DAB2IP: variants seen among roughly 807,000 people sequenced by gnomAD.
DAB2IP encodes disabled homolog 2-interacting protein.
A neutral mutation model predicts 107.2 loss-of-function variants in DAB2IP; 28 were observed. That is an observed-to-expected ratio of 0.26 (90% CI 0.19 to 0.36). DAB2IP has a LOEUF of 0.36. Among genes scored for constraint, DAB2IP ranks in the 10% least tolerant of loss-of-function variants. The pLI is 1.00. For synonymous variants in DAB2IP, 755 were observed against 706.4 expected (o/e 1.07, Z -1.09); for missense variants, 1,400 against 1,644.7 (o/e 0.85, Z 2.57).
rs1196005635 is a variant in DAB2IP at position 121,599,585 on chromosome 9, C to A, written c.40+32357C>A. ...GCGCGGAGCCGGCCGTAGCGCGCTC[C>A]TGCCTGGCCAGCCGCCTACTCCGCC... On this transcript the variant is annotated intron_variant, in intron 1 of 16. Coordinates refer to the DAB2IP transcript ENST00000259371. This position sits in a 1 kb window ranked among gnomAD's most constrained non-coding sequence, Gnocchi z 6.9. Among the ~76,000 whole-genome samples the A allele has an allele frequency of 6.6e-6, 1 of 152,002 alleles. No homozygotes were observed. The highest frequency in any genetic ancestry group is 6.5e-5 in the Admixed American group (1 of 15,268).
At chr9:121,607,972 A>G (rs1390265704) in intron 1 of DAB2IP, among the ~76,000 whole-genome samples, 1 of 152,214 alleles carries the variant, frequency 6.6e-6, no homozygotes, top group Non-Finnish European at 1.5e-5. Context: ...GGGACCTCAG[A>G]GCCTTTCCCG....
intron 1 of DAB2IP, among the ~76,000 whole-genome samples, chr9:121,614,737 CTTTT>C (rs33981373): frequency 7.7e-6 from 1 of 129,282 alleles, no homozygotes. Context: ...TTCTTTCTTT[CTTTT>C]TTTTTTTTTT....
At chr9:121,574,507 T>G (rs615257) in intron 1 of DAB2IP, among the ~76,000 whole-genome samples, 90,464 of 151,978 alleles carry the variant, frequency 0.6, 27,629 homozygotes, top group Middle Eastern at 0.72. Flanking sequence ...AGGCCAAGGA[T>G]GCAGAGCTGG....
intron 1 of DAB2IP, among the ~76,000 whole-genome samples, chr9:121,675,646 G>C (rs936679184): frequency 6.6e-6 from 1 of 152,192 alleles, no homozygotes; most frequent in African/African-American, 2.4e-5. Context: ...CCATGGACTC[G>C]GTCCAGACAC....
chr9:121,751,257 T>C, intron 3 of DAB2IP: 1 of 164,792 alleles, frequency 6.1e-6, no homozygotes, highest in Non-Finnish European at 1.3e-5. Flanking sequence ...CTGGTGCAGT[T>C]AGTCTTGAAC....
intron 12 of DAB2IP, 39 bp downstream of exon 12, chr9:121,773,534 G>A (rs1008036044): frequency 7.0e-7 from 1 of 1,433,370 alleles, no homozygotes; most frequent in Non-Finnish European, 9.1e-7. Flanking sequence ...TGGGCACTTG[G>A]GCCCAGCTGG....
chr9:121,600,814 G>A (rs1176508973), intron 1 of DAB2IP, among the ~76,000 whole-genome samples: 1 of 152,150 alleles, frequency 6.6e-6, no homozygotes, highest in African/African-American at 2.4e-5. Context: ...AGAGCTCAAG[G>A]GTCCCGTCCA....
At chr9:121,622,692 A>G (rs1831515789) in intron 1 of DAB2IP, among the ~76,000 whole-genome samples, 1 of 152,170 alleles carries the variant, frequency 6.6e-6, no homozygotes, top group African/African-American at 2.4e-5. Flanking sequence ...GAAGTACACA[A>G]ACTAATAATT....
In DAB2IP at chr9:121,736,200, G is replaced by A. The variant is rs986273545; in HGVS notation, c.363-20813G>A. Among the ~76,000 whole-genome samples, 2 of 152,252 alleles carry A rather than the reference G, an allele frequency of 1.3e-5. No individual in the cohort carries two copies. Among genetic ancestry groups the A allele is most frequent in the African/African-American group, 4.8e-5 (2 of 41,472 alleles). On this transcript the variant is annotated intron_variant, in intron 3 of 15. Coordinates refer to ENST00000408936, the Ensembl canonical transcript of DAB2IP. This position sits in a 1 kb window ranked among gnomAD's most constrained non-coding sequence, Gnocchi z 4.6. ...AATGTTGGAATGGAAATGTGGGGAA[G>A]GGAGAGCGTTTGCCTTGGTTGGGTC...
intron 1 of DAB2IP, among the ~76,000 whole-genome samples, chr9:121,637,418 C>G (rs924459413): frequency 1.3e-5 from 2 of 152,128 alleles, no homozygotes; most frequent in Non-Finnish European, 2.9e-5. Context: ...CTGCCTTGCT[C>G]GGGGAATTGG....
Position 121,782,591 on chromosome 9 carries a change from C to A in DAB2IP, c.*93C>A. Reference sequence around the variant, plus strand: ...CCTGGGGAGGCACCCACGGTTGCAGCCCCAGCGCGGGTGTCAGGAGGCCGA... The same window carrying A: ...CCTGGGGAGGCACCCACGGTTGCAGACCCAGCGCGGGTGTCAGGAGGCCGA... On this transcript the variant is annotated 3_prime_UTR_variant, in exon 16 of 16. Transcript: ENST00000408936. The surrounding 1 kb of genome is among the most constrained non-coding windows in gnomAD (Gnocchi z 6.1). 1 of 1,547,490 alleles carries A rather than the reference C, an allele frequency of 6.5e-7. No individual in the cohort carries two copies. The highest frequency in any genetic ancestry group is 8.7e-7 in the Non-Finnish European group (1 of 1,144,264).
At chr9:121,692,967 G>A (rs1269371811) in intron 2 of DAB2IP, among the ~76,000 whole-genome samples, 1 of 152,228 alleles carries the variant, frequency 6.6e-6, no homozygotes, top group African/African-American at 2.4e-5. Flanking sequence ...GGCGGCCCAG[G>A]CACCCTGGCC....
At chr9:121,604,739 G>T (rs1185708719) in intron 1 of DAB2IP, among the ~76,000 whole-genome samples, 3 of 152,110 alleles carry the variant, frequency 2.0e-5, no homozygotes, top group Admixed American at 6.5e-5. Context: ...GCCTGTCGTT[G>T]TCCGCTGCCT....
intron 1 of DAB2IP, among the ~76,000 whole-genome samples, chr9:121,666,193 G>A (rs774822994): frequency 8.6e-5 from 13 of 152,010 alleles, no homozygotes; most frequent in South Asian, 2.1e-4. Flanking sequence ...TTCCATCATC[G>A]CATTGCTTTC....
rs772857540 is a variant in DAB2IP at position 121,763,715 on chromosome 9, C to T, written c.1316-20C>T. ...GCCCGCCAGGTCCTCACTCCCCACTCCCTGCCCACTTGTCCATAGGTGAGT... is the reference window on the plus strand; with the variant it reads ...GCCCGCCAGGTCCTCACTCCCCACTTCCTGCCCACTTGTCCATAGGTGAGT... On this transcript the variant is annotated intron_variant, in intron 7 of 15. Coordinates refer to ENST00000408936, the Ensembl canonical transcript of DAB2IP. 8.1e-6 allele frequency: 13 copies of T among 1,613,040 alleles called. No homozygotes were observed. Among genetic ancestry groups the T allele is most frequent in the East Asian group, 2.2e-5 (1 of 44,850 alleles).
At chr9:121,623,087 A>G (rs938270279) in intron 1 of DAB2IP, among the ~76,000 whole-genome samples, 5 of 152,142 alleles carry the variant, frequency 3.3e-5, no homozygotes, top group Admixed American at 6.5e-5. Context: ...CTTACTTAAG[A>G]GAGCAATTTT....
At chr9:121,693,500 A>T (rs1327324197) in intron 2 of DAB2IP, among the ~76,000 whole-genome samples, 1 of 152,200 alleles carries the variant, frequency 6.6e-6, no homozygotes, top group African/African-American at 2.4e-5. Flanking sequence ...CCCCAGAAAG[A>T]TATTGAGAGA....
intron 1 of DAB2IP, among the ~76,000 whole-genome samples, chr9:121,585,338 A>G (rs2118915025): frequency 6.6e-6 from 1 of 152,032 alleles, no homozygotes; most frequent in East Asian, 1.9e-4. Context: ...TACTAGATAG[A>G]TTTGTGATTT....
At chr9:121,676,133 G>A (rs1362373120) in intron 1 of DAB2IP, among the ~76,000 whole-genome samples, 1 of 152,240 alleles carries the variant, frequency 6.6e-6, no homozygotes, top group African/African-American at 2.4e-5. Flanking sequence ...CCCCAGGCCT[G>A]CCTGGAGGTC....
Sources: gnomAD v4.1 joint callset for allele counts (sites outside exome capture counted in the v4.1 genomes callset) on GRCh38, gnomAD v4.1.1 for gene constraint, Gnocchi (gnomAD v3.1) non-coding constraint, MANE v1.5 for transcripts, NCBI Gene and HGNC (gene_info 2026-07-23, HGNC 2026-07-21) for gene names.